The following MYO1G variants were observed in gnomAD, a reference collection of about 807,000 sequenced individuals.
MYO1G encodes the protein unconventional myosin-Ig.
A neutral mutation model predicts 115.3 loss-of-function variants in MYO1G; 65 were observed. The observed-to-expected ratio is 0.56, with a 90% CI of 0.46 to 0.69. The LOEUF is 0.69. Among genes scored for constraint, MYO1G ranks in the 30% least tolerant of loss-of-function variants. The pLI, the probability that MYO1G is intolerant of heterozygous loss-of-function variation, is 0.00. For missense variants in MYO1G, 1,204 were observed against 1,393.5 expected (o/e 0.86, Z 2.16); for synonymous variants, 510 against 552.6 (o/e 0.92, Z 1.08).
chr7:44,970,678 G>C lies in MYO1G; in HGVS notation c.1131C>G (p.Pro377=). 6.2e-7 allele frequency: 1 copy of C among 1,613,984 alleles called. No individual in the cohort carries two copies. Among genetic ancestry groups the C allele is most frequent in the Non-Finnish European group, 8.5e-7 (1 of 1,180,038 alleles). The stretch of plus-strand genomic sequence containing the variant: ...CATCACGCCGAGGATCCCGGCCCCG[G>C]GGTTCCATGACACTGTTGATCCTGT... ...VVNRINSVME[P]RGRDPRRDGK... Residue 377 remains proline (P), a synonymous_variant, in exon 9 of 22, where the codon CCC becomes CCG. Coordinates refer to ENST00000258787, the MANE Select transcript of MYO1G (RefSeq NM_033054.3).
chr7:44,976,626 A>T lies in MYO1G; in HGVS notation c.336T>A (p.Ser112Arg). 1.9e-6 allele frequency: 3 copies of T among 1,614,058 alleles called. No individual in the cohort carries two copies. The highest frequency in any genetic ancestry group is 2.5e-6 in the Non-Finnish European group (3 of 1,179,996). ...CAGCGATGTACTGCATGATGTGCTT[A>T]CTGGCTTCTGTCTTCCCTGCCCCAC... ...GESGAGKTEA[S>R]KHIMQYIAAV... The change falls in exon 3 of 22, where the codon AGT (serine) becomes AGA (arginine). Residue 112 changes from serine to arginine, a missense_variant. Coordinates refer to ENST00000258787, the MANE Select transcript of MYO1G (RefSeq NM_033054.3).
Position 44,965,061 on chromosome 7 carries a change from T to A in MYO1G, c.2410A>T (p.Ile804Phe). Residue 804 changes from isoleucine (I) to phenylalanine (F), a missense_variant, in exon 18 of 22, where the codon ATC becomes TTC. Transcript: ENST00000258787. ...RWRARQLVKN[I>F]PPSDMPQIKA... ...ATCTGGGGCATGTCTGAAGGGGGGA[T>A]GTTCTTCACCAGCTGCCGGGCCCGC... is the stretch of plus-strand genomic sequence containing the variant. 6.2e-7 allele frequency: 1 copy of A among 1,609,412 alleles called. No individual in the cohort carries two copies. The highest frequency in any genetic ancestry group is 8.5e-7 in the Non-Finnish European group (1 of 1,176,934).
rs750220491 is a variant in MYO1G at position 44,966,049 on chromosome 7, G to A, written c.2157+24C>T. ...AGCTTTCCCCACCTCCATAGTGGATGTCTTCCTGCCCCGCCCACCTCACCT... is the reference window on the plus strand; with the variant it reads ...AGCTTTCCCCACCTCCATAGTGGATATCTTCCTGCCCCGCCCACCTCACCT... On this transcript the variant is annotated intron_variant, in intron 16 of 21. Transcript: ENST00000258787. The surrounding 1 kb of genome is among the most constrained non-coding windows in gnomAD (Gnocchi z 5.0). The A allele has an allele frequency of 1.2e-6, 2 of 1,606,276 alleles. No individual in the cohort carries two copies. The highest frequency in any genetic ancestry group is 2.2e-5 in the South Asian group (2 of 91,000).
At chr7:44,972,021 C>T (rs1202815266) in intron 6 of MYO1G, 94 bp downstream of exon 6, 1 of 1,041,940 alleles carries the variant, frequency 9.6e-7, no homozygotes, top group East Asian at 2.4e-5. Flanking sequence ...GTTCACTTCA[C>T]CCTGGCCTGT....
At chr7:44,972,027 C>T (rs1268508670) in intron 6 of MYO1G, 88 bp downstream of exon 6, 8 of 1,080,480 alleles carry the variant, frequency 7.4e-6, no homozygotes, top group Non-Finnish European at 1.1e-5. Context: ...TTCACCCTGG[C>T]CTGTGCTGAG....
rs770125507 is a variant in MYO1G, at chr7:44,972,078, G to A, written c.729+37C>T. ...ACCACCACACTCAGGCCCTGACACT[G>A]AGCCCAGTTTGAGCCCTTGGTGCCC... On this transcript the variant is annotated intron_variant, in intron 6 of 21. Transcript: ENST00000258787. 6.6e-6 allele frequency: 10 copies of A among 1,521,464 alleles called. No homozygotes were observed. In the Admixed American group the frequency reaches 6.7e-5, roughly 10 times the overall value. The allele number at this position is 1,521,464 out of a possible 1,614,324, so 94.2% of individuals were successfully genotyped here.
In MYO1G at chr7:44,967,551, G is replaced by A. The variant is rs919806651; in HGVS notation, c.1782+54C>T. On this transcript the variant is annotated intron_variant, in intron 14 of 21. Coordinates refer to ENST00000258787, the MANE Select transcript of MYO1G (RefSeq NM_033054.3). The stretch of plus-strand genomic sequence containing the variant: ...TGGTTGGGACCCTACTTGGCACCGA[G>A]GGCACAGAGAGAAGGATCCGGAACA... 9.3e-6 allele frequency: 15 copies of A among 1,608,994 alleles called. No homozygotes were observed. In the Admixed American group the frequency reaches 1.8e-4, roughly 20 times the overall value.
chr7:44,969,451 G>T lies in MYO1G; in HGVS notation c.1536C>A (p.Gly512=). The T allele has an allele frequency of 3.7e-6, 6 of 1,613,938 alleles. No homozygotes were observed. Among genetic ancestry groups the T allele is most frequent in the Non-Finnish European group, 5.1e-6 (6 of 1,180,012 alleles). The change falls in exon 12 of 22, where the codon GGC becomes GGA. Residue 512 remains glycine, a synonymous_variant. Transcript: ENST00000258787. This position sits in a 1 kb window ranked among gnomAD's most constrained non-coding sequence, Gnocchi z 5.0. The stretch of plus-strand genomic sequence containing the variant: ...CATAGTGCTTGATCCGGAAGTCTCG[G>T]CCAAACTCCATGGTCTTGTCTGTGG... ...LCPTDKTMEF[G]RDFRIKHYAG... is the part of the protein sequence containing the mutation.
Position 44,962,723 on chromosome 7 carries a change from C to G in MYO1G, c.*16G>C. ...GCGGACAATTGGCGGCCTCGGGGTG[C>G]GGCGGGTGCGGGCGCTCAGCGGCTG... On this transcript the variant is annotated 3_prime_UTR_variant, in exon 22 of 22. Transcript: ENST00000258787. The surrounding 1 kb of genome is among the most constrained non-coding windows in gnomAD (Gnocchi z 5.3). 1 of 1,453,396 alleles carries G rather than the reference C, an allele frequency of 6.9e-7. No homozygotes were observed. Among genetic ancestry groups the G allele is most frequent in the South Asian group, 1.4e-5 (1 of 70,382 alleles). 90.0% of individuals were successfully genotyped at this position (1,453,396 alleles called of 1,614,324 possible).
Position 44,969,134 on chromosome 7 carries a change from G to A in MYO1G, c.1574+279C>T. 3.5e-6 allele frequency: 1 copy of A among 284,474 alleles called. No individual in the cohort carries two copies. Among genetic ancestry groups the A allele is most frequent in the Non-Finnish European group, 6.8e-6 (1 of 146,084 alleles). 17.6% of individuals were successfully genotyped at this position (284,474 alleles called of 1,614,324 possible). On this transcript the variant is annotated intron_variant, in intron 12 of 21. Transcript: ENST00000258787. This position sits in a 1 kb window ranked among gnomAD's most constrained non-coding sequence, Gnocchi z 5.0. The stretch of plus-strand genomic sequence containing the variant: ...CCAGCCTGAAGCCCCCCACCCCACA[G>A]ATGCTGGTATAGGGTTGGGCCCAGA...
chr7:44,964,327 C>T lies in MYO1G; in HGVS notation c.2631+88G>A. On this transcript the variant is annotated intron_variant, in intron 19 of 21. Coordinates refer to ENST00000258787, the MANE Select transcript of MYO1G (RefSeq NM_033054.3). The surrounding 1 kb of genome is among the most constrained non-coding windows in gnomAD (Gnocchi z 5.1). Reference sequence around the variant, plus strand: ...TTGCCTCCATTTTCTCCCAAGTGCCCCCCCAAAACTCTGCACCAGCTTCTA... The same window carrying T: ...TTGCCTCCATTTTCTCCCAAGTGCCTCCCCAAAACTCTGCACCAGCTTCTA... 1 of 1,399,500 alleles carries T rather than the reference C, an allele frequency of 7.1e-7. No homozygotes were observed. Among genetic ancestry groups the T allele is most frequent in the Non-Finnish European group, 1.0e-6 (1 of 988,058 alleles). The allele number at this position is 1,399,500 out of a possible 1,614,324, so 86.7% of individuals were successfully genotyped here.
intron 5 of MYO1G, chr7:44,973,670 G>A (rs1215233367): frequency 6.6e-6 from 1 of 150,948 alleles, no homozygotes; most frequent in Non-Finnish European, 1.5e-5. Context: ...GGGGAGCTCA[G>A]AGTCTGTGGA....
Position 44,962,827 on chromosome 7 carries a change from A to G in MYO1G, c.2969T>C (p.Leu990Pro). The change falls in exon 22 of 22, where the codon CTC becomes CCC. Residue 990 changes from leucine (L) to proline (P), a missense_variant. Transcript: ENST00000258787. This position sits in a 1 kb window ranked among gnomAD's most constrained non-coding sequence, Gnocchi z 5.3. The part of the protein sequence containing the change: ...IPLSHRGVRR[L>P]ISVEPRPEQP... Reference sequence around the variant, plus strand: ...CTCCGGCCTGGGCTCCACGGAGATGAGGCGCCGGACCCCGCGATGGCTTAG... The same window carrying G: ...CTCCGGCCTGGGCTCCACGGAGATGGGGCGCCGGACCCCGCGATGGCTTAG... 1 of 1,518,628 alleles carries G rather than the reference A, an allele frequency of 6.6e-7. No homozygotes were observed. Among genetic ancestry groups the G allele is most frequent in the Non-Finnish European group, 8.8e-7 (1 of 1,138,150 alleles). 94.1% of individuals were successfully genotyped at this position (1,518,628 alleles called of 1,614,324 possible).
chr7:44,963,370 T>C lies in MYO1G; in HGVS notation c.2746-246A>G, dbSNP rs1794784031. ...GACTGATGGTTCTAGATCCTTGCTGTCCAACAGGGCCGCCACTGCTCACCT... is the reference window on the plus strand; with the variant it reads ...GACTGATGGTTCTAGATCCTTGCTGCCCAACAGGGCCGCCACTGCTCACCT... On this transcript the variant is annotated intron_variant, in intron 20 of 21. Transcript: ENST00000258787. This position sits in a 1 kb window ranked among gnomAD's most constrained non-coding sequence, Gnocchi z 4.1. The C allele has an allele frequency of 8.2e-6, 4 of 490,378 alleles. No individual in the cohort carries two copies. Among genetic ancestry groups the C allele is most frequent in the Admixed American group, 4.1e-5 (1 of 24,672 alleles). The allele number at this position is 490,378 out of a possible 1,614,324, so 30.4% of individuals were successfully genotyped here. A position where few individuals can be genotyped will look rare whatever the true frequency, so the allele number is the denominator to read the frequency against.
chr7:44,969,351 C>T lies in MYO1G; in HGVS notation c.1574+62G>A. On this transcript the variant is annotated intron_variant, in intron 12 of 21. Transcript: ENST00000258787. The surrounding 1 kb of genome is among the most constrained non-coding windows in gnomAD (Gnocchi z 5.0). ...GCCACTCCCCTGAAGCGCTCCTGCC[C>T]CATGACACATGCCATGGTGCCTGTG... 3 of 1,574,018 alleles carry T rather than the reference C, an allele frequency of 1.9e-6. No homozygotes were observed. Among genetic ancestry groups the T allele is most frequent in the Non-Finnish European group, 2.6e-6 (3 of 1,144,330 alleles).
rs759342282 is a variant in MYO1G at position 44,964,419 on chromosome 7, C to T, written c.2627G>A (p.Arg876His). Residue 876 changes from arginine (R) to histidine (H), a missense_variant, in exon 19 of 22, where the codon CGC becomes CAC. By Grantham distance (29) the Arg-to-His change is conservative. Transcript: ENST00000258787. This position sits in a 1 kb window ranked among gnomAD's most constrained non-coding sequence, Gnocchi z 5.1. ...CATCCTTGTCCCTTGTCTAACCTTG[C>T]GGACATGGCTTGAAAAGAGCACAGC... ...FGAVLFSSHVRKVNRFHKIRN... is the reference protein window; with the variant it reads ...FGAVLFSSHVHKVNRFHKIRN... 1.1e-5 allele frequency: 17 copies of T among 1,612,590 alleles called. No individual in the cohort carries two copies. The highest frequency in any genetic ancestry group is 5.5e-5 in the South Asian group (5 of 91,064).
intron 5 of MYO1G, chr7:44,973,806 A>G (rs763906537): frequency 6.6e-6 from 1 of 151,752 alleles, no homozygotes; most frequent in Non-Finnish European, 1.5e-5. Flanking sequence ...GACCCTGCCC[A>G]TGTCCCAAAA....
chr7:44,967,449 G>A (rs991802672), intron 14 of MYO1G, among the ~76,000 whole-genome samples, 156 bp downstream of exon 14: 3 of 152,202 alleles, frequency 2.0e-5, no homozygotes. Context: ...TGCAGTGGGT[G>A]GGGTCCACTG....
At position 44,965,002 on chromosome 7, in the gene MYO1G, T is replaced by C; in HGVS notation, c.2469A>G (p.Gln823=). The change falls in exon 18 of 22, where the codon CAA becomes CAG. Residue 823 remains glutamine, a synonymous_variant. Coordinates refer to ENST00000258787, the MANE Select transcript of MYO1G (RefSeq NM_033054.3). ...KAKVAAMGAL[Q]GLRQDWGCRR... ...GGCAGCCCCAGTCCTGACGAAGCCC[T>C]TGCAGGGCCCCCATGGCGGCCACCT... 1 of 1,610,534 alleles carries C rather than the reference T, an allele frequency of 6.2e-7. No individual in the cohort carries two copies. Among genetic ancestry groups the C allele is most frequent in the African/African-American group, 1.3e-5 (1 of 75,024 alleles).
Sources: gnomAD v4.1 joint callset for allele counts (sites outside exome capture counted in the v4.1 genomes callset) on GRCh38, gnomAD v4.1.1 for gene constraint, Gnocchi (gnomAD v3.1) non-coding constraint, MANE v1.5 for transcripts, NCBI Gene and HGNC (gene_info 2026-07-23, HGNC 2026-07-21) for gene names.